Variants in TEAD4 observed in about 807,000 individuals in gnomAD.
TEAD4 encodes transcriptional enhancer factor TEF-3.
A neutral mutation model predicts 52.4 loss-of-function variants in TEAD4; 36 were observed. The ratio of observed to expected loss-of-function variants is 0.69; its 90% CI spans 0.53 to 0.91. The LOEUF is 0.91. Ranked by LOEUF, TEAD4 falls within the 40% of genes least tolerant of loss-of-function variation. TEAD4 has a pLI of 0.00. For synonymous variants in TEAD4, 220 were observed against 231.0 expected (o/e 0.95, Z 0.43); for missense variants, 508 against 583.9 (o/e 0.87, Z 1.34).
rs577364862 is a variant in TEAD4, at chr12:2,995,108, G to C, written c.226+116G>C. On this transcript the variant is annotated intron_variant, in intron 3 of 12. Transcript: ENST00000359864. ...GGATGACCACTTGGGGCTTTGTCGG[G>C]TGGACACTGCTTTCTTCCCTCCTGG... The C allele has an allele frequency of 4.1e-5, 54 of 1,317,682 alleles. No individual in the cohort carries two copies. The African/African-American group carries it at 6.9e-4, about 17-fold the overall frequency. The allele number at this position is 1,317,682 out of a possible 1,614,324, so 81.6% of individuals were successfully genotyped here.
intron 3 of TEAD4, among the ~76,000 whole-genome samples, chr12:2,999,472 C>T (rs1304809383): frequency 6.6e-6 from 1 of 152,234 alleles, no homozygotes; most frequent in Non-Finnish European, 1.5e-5. Flanking sequence ...ATAGGACACG[C>T]TGACCAAGGC....
At chr12:3,007,641 T>TA (rs1336967419) in intron 3 of TEAD4, among the ~76,000 whole-genome samples, 2 of 152,240 alleles carry the variant, frequency 1.3e-5, no homozygotes, top group African/African-American at 4.8e-5. Context: ...GCCAAGTTGA[T>TA]ACATTTTGAC....
chr12:3,039,199 C>A (rs951400309), intron 11 of TEAD4, among the ~76,000 whole-genome samples: 4 of 152,232 alleles, frequency 2.6e-5, no homozygotes, highest in Non-Finnish European at 5.9e-5. Flanking sequence ...GAAACCCATT[C>A]ATCACCCCTC....
At chr12:2,993,353 G>T (rs1331144807) in intron 2 of TEAD4, among the ~76,000 whole-genome samples, 3 of 152,174 alleles carry the variant, frequency 2.0e-5, no homozygotes, top group Admixed American at 1.3e-4. Flanking sequence ...AAAATTTTTA[G>T]TAGAGATGAA....
intron 5 of TEAD4, among the ~76,000 whole-genome samples, chr12:3,012,705 C>T (rs1029920989): frequency 4.6e-5 from 7 of 152,156 alleles, no homozygotes; most frequent in African/African-American, 7.2e-5. Context: ...CTGGGTCAGC[C>T]CCGTCTTGCA....
At position 2,995,237 on chromosome 12, in the gene TEAD4, G is replaced by A. The variant is rs77050077; in HGVS notation, c.226+245G>A. Among the ~76,000 whole-genome samples, 1,503 of 152,230 alleles carry A rather than the reference G, an allele frequency of 9.9e-3. 10 individuals are homozygous for A. The highest frequency in any genetic ancestry group is 0.013 in the Non-Finnish European group (911 of 68,002). On this transcript the variant is annotated intron_variant, in intron 3 of 12. Coordinates refer to ENST00000359864, the MANE Select transcript of TEAD4 (RefSeq NM_003213.4). ...TGGGAGTGGGAATCTTGGAAAAGGC[G>A]AATCTGGGTGGGGTAGAACATCCCC... is the stretch of plus-strand genomic sequence containing the variant.
intron 10 of TEAD4, among the ~76,000 whole-genome samples, chr12:3,031,407 G>A (rs546161707): frequency 5.2e-4 from 79 of 152,342 alleles, no homozygotes; most frequent in African/African-American, 1.8e-3. Context: ...GCCTTGGAGC[G>A]GGAGGTGGCA....
At chr12:3,007,849 C>T (rs2335331) in intron 3 of TEAD4, among the ~76,000 whole-genome samples, 29,289 of 152,204 alleles carry the variant, frequency 0.19, 3,782 homozygotes, top group African/African-American at 0.37. Flanking sequence ...GATAGGACAG[C>T]GCCTTAAGAG....
At position 3,025,181 on chromosome 12, in the gene TEAD4, C is replaced by T. The variant is rs150624006; in HGVS notation, c.897+3164C>T. ...CTGGTCTTGAACTCCTGACCTCAGGCGATCTGCCCACCTCAGCCTCCCAGT... is the reference window on the plus strand; with the variant it reads ...CTGGTCTTGAACTCCTGACCTCAGGTGATCTGCCCACCTCAGCCTCCCAGT... On this transcript the variant is annotated intron_variant, in intron 10 of 12. Transcript: ENST00000359864. Among the ~76,000 whole-genome samples, 1,039 of 152,246 alleles carry T rather than the reference C, an allele frequency of 6.8e-3. 7 individuals carry two copies. The highest frequency in any genetic ancestry group is 0.023 in the African/African-American group (965 of 41,570).
chr12:3,010,827 C>A (rs2098259717), intron 3 of TEAD4, among the ~76,000 whole-genome samples, 177 bp from the exon 4 acceptor site: 1 of 152,202 alleles, frequency 6.6e-6, no homozygotes, highest in African/African-American at 2.4e-5. Flanking sequence ...CTTCCTCTCG[C>A]TGCTGGGAGA....
chr12:3,019,222 C>G (rs994558415), intron 8 of TEAD4, 52 bp downstream of exon 8: 8 of 1,606,288 alleles, frequency 5.0e-6, no homozygotes, highest in Non-Finnish European at 6.8e-6. Flanking sequence ...TGGCTCCTGC[C>G]TCTGGGTCCA....
At chr12:3,018,033 T>C (rs2098265836) in intron 6 of TEAD4, among the ~76,000 whole-genome samples, 1 of 152,150 alleles carries the variant, frequency 6.6e-6, no homozygotes, top group Non-Finnish European at 1.5e-5. Context: ...TTCAGAGCTG[T>C]CTCCTCACAG....
intron 2 of TEAD4, among the ~76,000 whole-genome samples, chr12:2,989,259 G>T (rs552095688): frequency 1.3e-5 from 2 of 151,928 alleles, no homozygotes; most frequent in Admixed American, 1.3e-4. Flanking sequence ...TCTCAATGAG[G>T]CTCTTTGATT....
chr12:3,019,036 CA>C, intron 7 of TEAD4, 78 bp from the exon 8 acceptor site: 1 of 1,558,250 alleles, frequency 6.4e-7, no homozygotes, highest in African/African-American at 1.4e-5. Context: ...ACCTACCACA[CA>C]GACCACTGGA....
At chr12:2,999,020 G>A (rs1008220802) in intron 3 of TEAD4, among the ~76,000 whole-genome samples, 11 of 152,252 alleles carry the variant, frequency 7.2e-5, no homozygotes, top group African/African-American at 2.7e-4. Flanking sequence ...ACTGCGTGGG[G>A]ACTGATGGAG....
chr12:3,005,664 A>ATT (rs370939562), intron 3 of TEAD4, among the ~76,000 whole-genome samples: 6,733 of 150,964 alleles, frequency 0.045, 481 homozygotes, highest in African/African-American at 0.15. Context: ...GCCCGGCTAT[A>ATT]TTTTTTTTGT....
At chr12:3,032,842 G>T (rs1322037013) in intron 10 of TEAD4, among the ~76,000 whole-genome samples, 1 of 152,220 alleles carries the variant, frequency 6.6e-6, no homozygotes. Flanking sequence ...ACACATATGT[G>T]ACGGGGAAAG....
Position 3,022,037 on chromosome 12 carries a change from T to A in TEAD4, c.897+20T>A, listed in dbSNP as rs1256131575. 6.2e-7 allele frequency: 1 copy of A among 1,612,586 alleles called. No homozygotes were observed. On this transcript the variant is annotated intron_variant, in intron 10 of 12. Transcript: ENST00000359864. ...TTCTGGGTAAGCCTGTGATAACCCC[T>A]TCTTTCCTGCCACCAGCGTGTCCGT... is the stretch of plus-strand genomic sequence containing the variant.
intron 8 of TEAD4, among the ~76,000 whole-genome samples, 174 bp downstream of exon 8, chr12:3,019,344 C>G (rs1244704364): frequency 6.6e-6 from 1 of 152,224 alleles, no homozygotes; most frequent in Non-Finnish European, 1.5e-5. Flanking sequence ...CCAGCATGCA[C>G]ACCTCAGCCG....
Sources: allele counts gnomAD v4.1 joint callset (sites outside exome capture counted in the v4.1 genomes callset), GRCh38; gene constraint gnomAD v4.1.1; transcripts MANE v1.5; gene names NCBI Gene and HGNC (gene_info 2026-07-23, HGNC 2026-07-21).